The following USH2A variants were observed in gnomAD, a reference collection of about 807,000 sequenced individuals.
The protein encoded by USH2A is Usher syndrome 2A (autosomal recessive, mild).
USH2A carries 443 observed loss-of-function variants against 538.9 expected under a neutral mutation model. The observed-to-expected ratio is 0.82, with a 90% confidence interval of 0.76 to 0.89. The LOEUF is 0.89. USH2A is among the 40% of genes least tolerant of loss of function. USH2A has a pLI of 0.00. For missense variants in USH2A, 6,633 were observed against 6,324.8 expected (o/e 1.05, Z -1.65); for synonymous variants, 2,413 against 2,273.5 (o/e 1.06, Z -1.75).
At position 215,817,113 on chromosome 1, in the gene USH2A, G is replaced by T. The variant is rs1305948120; in HGVS notation, c.9454C>A (p.Pro3152Thr). 1 of 1,612,652 alleles carries T rather than the reference G, an allele frequency of 6.2e-7. No individual in the cohort carries two copies. Among genetic ancestry groups the T allele is most frequent in the Non-Finnish European group, 8.5e-7 (1 of 1,179,102 alleles). ...GYDLLWKTWYPCAKTQKLVQD... is the reference protein window; with the variant it reads ...GYDLLWKTWYTCAKTQKLVQD... ...ACTAACTTTTGAGTTTTAGCGCATGGATACCATGTTTTCCATAGGAGATCA... is the reference window on the plus strand; with the variant it reads ...ACTAACTTTTGAGTTTTAGCGCATGTATACCATGTTTTCCATAGGAGATCA... The change falls in exon 48 of 72, where the codon CCA becomes ACA. Residue 3152 changes from proline (P) to threonine (T), a missense_variant. Coordinates refer to ENST00000307340, the MANE Select transcript of USH2A (RefSeq NM_206933.4).
intron 32 of USH2A, among the ~76,000 whole-genome samples, chr1:216,019,292 G>C (rs1315133334): frequency 6.6e-6 from 1 of 152,180 alleles, no homozygotes; most frequent in Admixed American, 6.6e-5. Flanking sequence ...GTTTAGCTTA[G>C]TTCAACATAG....
chr1:216,175,414 G>A lies in USH2A; in HGVS notation c.4465C>T (p.Pro1489Ser). The change falls in exon 21 of 72, where the codon CCA becomes TCA. Residue 1489 changes from proline to serine, a missense_variant. Transcript: ENST00000307340. ...NSTTIHLRWF[P>S]PEELNGPSPI... ...GAGGGTCCATTCAGTTCTTCAGGTG[G>A]AAACCACCTAAGATGGATTGTTGTG... 6.2e-7 allele frequency: 1 copy of A among 1,613,772 alleles called. No individual in the cohort carries two copies. Among genetic ancestry groups the A allele is most frequent in the South Asian group, 1.1e-5 (1 of 91,082 alleles).
chr1:216,115,071 A>G (rs931146369), intron 21 of USH2A, among the ~76,000 whole-genome samples: 5 of 151,990 alleles, frequency 3.3e-5, no homozygotes, highest in Non-Finnish European at 7.4e-5. Context: ...TCTCCAAATT[A>G]TCAACCCCAA....
At chr1:216,260,790 A>G (rs2036355387) in intron 11 of USH2A, among the ~76,000 whole-genome samples, 2 of 152,274 alleles carry the variant, frequency 1.3e-5, no homozygotes, top group South Asian at 4.1e-4. Context: ...GAAGAGGCAC[A>G]AGGTAGACAT....
chr1:215,639,045 G>C, intron 69 of USH2A, 110 bp downstream of exon 69: 1 of 1,057,262 alleles, frequency 9.5e-7, no homozygotes, highest in South Asian at 1.3e-5. Flanking sequence ...AATTTCTTCT[G>C]TATAGTCTAT....
intron 32 of USH2A, among the ~76,000 whole-genome samples, chr1:216,006,004 A>C (rs1299836454): frequency 1.3e-5 from 2 of 152,126 alleles, no homozygotes; most frequent in Admixed American, 6.5e-5. Flanking sequence ...CCCCCATCAC[A>C]TCTCCGGTCA....
chr1:216,365,111 G>A (rs1440994453), intron 3 of USH2A, 26 bp from the exon 4 acceptor site: 4 of 1,598,662 alleles, frequency 2.5e-6, no homozygotes, highest in Non-Finnish European at 2.6e-6. Flanking sequence ...ACCATTATTA[G>A]TTTAAGTGCA....
At chr1:215,820,306 C>T (rs978047361) in intron 47 of USH2A, among the ~76,000 whole-genome samples, 1 of 151,246 alleles carries the variant, frequency 6.6e-6, no homozygotes, top group Non-Finnish European at 1.5e-5. Context: ...CACACACAGC[C>T]CACATACACA....
intron 30 of USH2A, among the ~76,000 whole-genome samples, chr1:216,062,694 G>A (rs559253662): frequency 1.3e-5 from 2 of 152,232 alleles, no homozygotes; most frequent in Admixed American, 6.5e-5. Context: ...CTAAAAAGTG[G>A]CATAGGCGGA....
intron 32 of USH2A, among the ~76,000 whole-genome samples, chr1:216,035,163 C>T (rs976623361): frequency 6.6e-6 from 1 of 152,138 alleles, no homozygotes; most frequent in African/African-American, 2.4e-5. Context: ...AAATGCACAG[C>T]ACTAGAGTTA....
At chr1:215,715,986 G>A (rs58159112) in intron 61 of USH2A, among the ~76,000 whole-genome samples, 2,852 of 152,246 alleles carry the variant, frequency 0.019, 83 homozygotes, top group African/African-American at 0.065. Flanking sequence ...GGTAAAATGC[G>A]GTTTAGCAGA....
chr1:215,792,648 G>A (rs755893939), intron 50 of USH2A, among the ~76,000 whole-genome samples: 2 of 152,186 alleles, frequency 1.3e-5, no homozygotes, highest in Non-Finnish European at 2.9e-5. Context: ...AGATGTTGCG[G>A]AGCAGAGTTT....
At chr1:215,650,919 G>T (rs1439295861) in intron 64 of USH2A, 118 bp from the exon 65 acceptor site, 3 of 1,081,276 alleles carry the variant, frequency 2.8e-6, no homozygotes, top group Non-Finnish European at 4.0e-6. Context: ...AACACAACAG[G>T]AAGAGATAAA....
chr1:215,784,668 C>T (rs1661742732), intron 52 of USH2A, among the ~76,000 whole-genome samples: 1 of 152,168 alleles, frequency 6.6e-6, no homozygotes, highest in Non-Finnish European at 1.5e-5. Context: ...AAGAGTCTGA[C>T]TTAATCTAAA....
At chr1:215,631,227 A>AGTGTGTGTGT (rs145355299) in intron 70 of USH2A, among the ~76,000 whole-genome samples, 9 of 148,460 alleles carry the variant, frequency 6.1e-5, no homozygotes, top group African/African-American at 2.2e-4. Flanking sequence ...GAGGGGGAGA[A>AGTGTGTGTGT]GTGTGTGTGT....
intron 67 of USH2A, among the ~76,000 whole-genome samples, chr1:215,642,022 AC>A (rs1656702472): frequency 6.6e-6 from 1 of 152,184 alleles, no homozygotes; most frequent in Non-Finnish European, 1.5e-5. Context: ...GTAGATTTTC[AC>A]TTTTTCCCTA....
At chr1:216,384,954 TTCATGGTCATTAACCAAAAGCTG>T (rs1206502570) in intron 3 of USH2A, among the ~76,000 whole-genome samples, 1 of 152,158 alleles carries the variant, frequency 6.6e-6, no homozygotes, top group Non-Finnish European at 1.5e-5. Flanking sequence ...AAAGTGAAGC[TTCATGGTCATTAACCAAAAGCTG>T]ATAATGATGC....
chr1:215,647,017 C>T (rs896819510), intron 67 of USH2A, among the ~76,000 whole-genome samples: 1 of 152,230 alleles, frequency 6.6e-6, no homozygotes, highest in Non-Finnish European at 1.5e-5. Context: ...ATGCATTTCT[C>T]AGAACATATT....
intron 22 of USH2A, among the ~76,000 whole-genome samples, chr1:216,093,696 T>C (rs1488704559): frequency 6.6e-6 from 1 of 152,176 alleles, no homozygotes; most frequent in Admixed American, 6.5e-5. Context: ...AATTCTCCAA[T>C]GACTGTCCCA....
Sources: allele counts gnomAD v4.1 joint callset (sites outside exome capture counted in the v4.1 genomes callset), GRCh38; gene constraint gnomAD v4.1.1; transcripts MANE v1.5; gene names NCBI Gene and HGNC (gene_info 2026-07-23, HGNC 2026-07-21).